GREB1L: variants seen among roughly 807,000 people sequenced by gnomAD.
GREB1L encodes GREB1-like protein.
GREB1L carries 17 observed loss-of-function variants against 200.8 expected under a neutral mutation model. That is an observed-to-expected ratio of 0.08 (90% CI 0.06 to 0.13). The LOEUF is 0.13. GREB1L is among the 10% of genes least tolerant of loss of function. The pLI, the probability that GREB1L is intolerant of heterozygous loss-of-function variation, is 1.00. For missense variants in GREB1L, 1,657 were observed against 2,367.7 expected, an observed-to-expected ratio of 0.70 and a Z score of 6.23; for synonymous variants, 789 against 893.0, an observed-to-expected ratio of 0.88 and a Z score of 2.08.
At chr18:21,271,965 A>G (rs1159682100) in intron 1 of GREB1L, among the ~76,000 whole-genome samples, 1 of 152,160 alleles carries the variant, frequency 6.6e-6, no homozygotes, top group African/African-American at 2.4e-5. Context: ...GGCACCCCAA[A>G]CAAAACTGGA....
intron 2 of GREB1L, among the ~76,000 whole-genome samples, chr18:21,375,927 A>G (rs988026932): frequency 6.6e-6 from 1 of 152,212 alleles, no homozygotes; most frequent in Non-Finnish European, 1.5e-5. Flanking sequence ...TGCTAGTAAT[A>G]ATAACAACAG....
At chr18:21,505,020 G>C in intron 23 of GREB1L, among the ~76,000 whole-genome samples, 1 of 152,246 alleles carries the variant, frequency 6.6e-6, no homozygotes, top group Admixed American at 6.5e-5. Context: ...TGTAACGTGC[G>C]GAAGACATTG....
intron 7 of GREB1L, among the ~76,000 whole-genome samples, chr18:21,410,591 G>A (rs2030859388): frequency 6.6e-6 from 1 of 151,798 alleles, no homozygotes; most frequent in Non-Finnish European, 1.5e-5. Context: ...GAAGGCAGAG[G>A]TTGCAGGGAG....
intron 1 of GREB1L, among the ~76,000 whole-genome samples, chr18:21,330,441 T>TG (rs2039090832): frequency 6.6e-6 from 1 of 152,226 alleles, no homozygotes; most frequent in Non-Finnish European, 1.5e-5. Flanking sequence ...CTGTTGATAC[T>TG]GGGTGCGCTC....
At chr18:21,398,166 A>C (rs2041164751) in intron 5 of GREB1L, among the ~76,000 whole-genome samples, 1 of 152,194 alleles carries the variant, frequency 6.6e-6, no homozygotes. Context: ...ATCCTTAGAA[A>C]TTAGGAGTGA....
intron 1 of GREB1L, among the ~76,000 whole-genome samples, chr18:21,252,876 A>G (rs1055226209): frequency 2.0e-5 from 3 of 152,176 alleles, no homozygotes; most frequent in African/African-American, 7.2e-5. Flanking sequence ...CCCAAAAAAG[A>G]AAGTTTTATT....
chr18:21,334,717 T>G (rs2145079885), intron 1 of GREB1L, among the ~76,000 whole-genome samples: 1 of 151,912 alleles, frequency 6.6e-6, no homozygotes, highest in Middle Eastern at 3.4e-3. Context: ...GAGGTTGCAG[T>G]AGGCTGAGAT....
chr18:21,516,851 T>TAAAA, intron 30 of GREB1L, 97 bp downstream of exon 30: 6 of 1,146,848 alleles, frequency 5.2e-6, no homozygotes, highest in East Asian at 2.6e-5. Context: ...TTCTATTTTA[T>TAAAA]TAGAAAAGTG....
intron 23 of GREB1L, among the ~76,000 whole-genome samples, chr18:21,503,914 C>T (rs1324355453): frequency 6.6e-6 from 1 of 151,682 alleles, no homozygotes; most frequent in African/African-American, 2.4e-5. Context: ...CAGCTGTGTG[C>T]CTGCAACTGT....
chr18:21,423,299 T>G (rs183062080), intron 7 of GREB1L, among the ~76,000 whole-genome samples: 3 of 152,350 alleles, frequency 2.0e-5, no homozygotes, highest in Admixed American at 2.0e-4. Context: ...AAAAGCTGTT[T>G]GCATTTTTTC....
chr18:21,258,960 A>G (rs1310845845), intron 1 of GREB1L, among the ~76,000 whole-genome samples: 1 of 152,208 alleles, frequency 6.6e-6, no homozygotes, highest in Admixed American at 6.5e-5. Context: ...GTTTTGAAAA[A>G]TGTGACATTT....
chr18:21,445,347 G>T (rs1458862674), intron 11 of GREB1L, among the ~76,000 whole-genome samples: 1 of 152,166 alleles, frequency 6.6e-6, no homozygotes, highest in African/African-American at 2.4e-5. Context: ...GGTGGCGCAT[G>T]CCTGTAATCC....
In GREB1L at chr18:21,473,142, G is replaced by T; in HGVS notation, c.2294G>T (p.Arg765Met). 6.4e-7 allele frequency: 1 copy of T among 1,550,592 alleles called. No individual in the cohort carries two copies. The change falls in exon 16 of 33, where the codon AGG becomes ATG. Residue 765 changes from arginine to methionine, a missense_variant. Transcript: ENST00000424526. ...EIQTKFEVFM[R>M]RVKQNPYTLF... is the part of the protein sequence containing the mutation. ...CAAACCAAGTTTGAAGTTTTTATGA[G>T]GAGAGTGAAACAGAACCCGTACACA...
At chr18:21,260,200 A>G (rs902322878) in intron 1 of GREB1L, among the ~76,000 whole-genome samples, 1 of 151,974 alleles carries the variant, frequency 6.6e-6, no homozygotes, top group African/African-American at 2.4e-5. Flanking sequence ...CAGCAATTTT[A>G]TATCACTGAA....
chr18:21,393,065 C>T (rs2144307955), intron 4 of GREB1L, among the ~76,000 whole-genome samples: 1 of 152,328 alleles, frequency 6.6e-6, no homozygotes, highest in East Asian at 1.9e-4. Flanking sequence ...AGCCACTGCA[C>T]CTCGCCTCAT....
intron 1 of GREB1L, among the ~76,000 whole-genome samples, chr18:21,300,854 A>G (rs765515640): frequency 7.2e-5 from 11 of 152,226 alleles, no homozygotes; most frequent in Non-Finnish European, 1.3e-4. Context: ...CTATTTGAAC[A>G]AGATCACATT....
intron 4 of GREB1L, among the ~76,000 whole-genome samples, chr18:21,388,533 CTTTTTTTTT>C (rs768141691): frequency 1.3e-5 from 1 of 74,650 alleles, no homozygotes; most frequent in Non-Finnish European, 2.3e-5. Context: ...CCTTAGGTTC[CTTTTTTTTT>C]TTTTTTTTTT....
At chr18:21,522,447 C>T (rs954070514) in intron 32 of GREB1L, among the ~76,000 whole-genome samples, 2 of 152,036 alleles carry the variant, frequency 1.3e-5, no homozygotes, top group African/African-American at 4.8e-5. Context: ...GCACTCCAGC[C>T]TGGAGACAGA....
chr18:21,429,176 TC>T (rs2032925054), intron 7 of GREB1L, among the ~76,000 whole-genome samples: 2 of 49,010 alleles, frequency 4.1e-5, no homozygotes, highest in African/African-American at 1.8e-4. Context: ...TCCCCTCCCT[TC>T]CTTCCCCTCC....
Sources: gnomAD v4.1 joint callset for allele counts (sites outside exome capture counted in the v4.1 genomes callset) on GRCh38, gnomAD v4.1.1 for gene constraint, MANE v1.5 for transcripts, NCBI Gene and HGNC (gene_info 2026-07-23, HGNC 2026-07-21) for gene names.